LRSAM1: variants seen among roughly 807,000 people sequenced by gnomAD.
The protein encoded by LRSAM1 is leucine rich repeat and sterile alpha motif containing 1.
LRSAM1 carries 96 observed loss-of-function variants against 118.1 expected under a neutral mutation model. The ratio of observed to expected loss-of-function variants is 0.81; its 90% CI spans 0.69 to 0.96. The LOEUF is 0.96. Among genes scored for constraint, LRSAM1 ranks in the 40% least tolerant of loss-of-function variants. The pLI is 0.00. For missense variants in LRSAM1, 804 were observed against 915.5 expected, an observed-to-expected ratio of 0.88 and a Z score of 1.57; for synonymous variants, 322 against 364.2, an observed-to-expected ratio of 0.88 and a Z score of 1.32.
At chr9:127,467,593 A>G in intron 9 of LRSAM1, 147 bp from the exon 10 acceptor site, 1 of 786,206 alleles carries the variant, frequency 1.3e-6, no homozygotes, top group Non-Finnish European at 2.2e-6. Context: ...ACGCAGCTGT[A>G]AGTAACAAGA....
intron 25 of LRSAM1, 148 bp downstream of exon 25, chr9:127,501,291 C>A: frequency 9.2e-7 from 1 of 1,085,314 alleles, no homozygotes; most frequent in Non-Finnish European, 1.3e-6. Context: ...ATAAAGATGA[C>A]CCCTGGTCCC....
chr9:127,483,101 C>A, intron 16 of LRSAM1, 81 bp downstream of exon 16: 3 of 1,347,418 alleles, frequency 2.2e-6, no homozygotes, highest in Non-Finnish European at 3.2e-6. Context: ...CTCTGTTGGC[C>A]ATGCATGGAG....
At chr9:127,484,285 C>CTTTTTTTTTTTTTTTTTTT (rs1301004172) in intron 16 of LRSAM1, among the ~76,000 whole-genome samples, 1 of 141,878 alleles carries the variant, frequency 7.0e-6, no homozygotes. Flanking sequence ...TTTTTTCCTG[C>CTTTTTTTTTTTTTTTTTTT]TTCTTTATTT....
At position 127,473,900 on chromosome 9, in the gene LRSAM1, A is replaced by G. The variant is rs775659934; in HGVS notation, c.719A>G (p.Asp240Gly). Residue 240 changes from aspartate to glycine, a missense_variant, in exon 11 of 26, where the codon GAC (aspartate) becomes GGC (glycine). Physicochemically the swap from Asp to Gly is moderately conservative, Grantham distance 94. Coordinates refer to ENST00000300417, the MANE Select transcript of LRSAM1 (RefSeq NM_001005373.4). ...CGGGACAGCCCTGATGGGCCCACGG[A>G]CAGATTCTCAAGGGAGGAGTTAGAG... is the stretch of plus-strand genomic sequence containing the variant. ...NSRDSPDGPTDRFSREELEWQ... is the reference protein window; with the variant it reads ...NSRDSPDGPTGRFSREELEWQ... 1.2e-6 allele frequency: 2 copies of G among 1,614,218 alleles called. No individual in the cohort carries two copies. The highest frequency in any genetic ancestry group is 1.7e-6 in the Non-Finnish European group (2 of 1,180,040).
chr9:127,487,714 C>T lies in LRSAM1; in HGVS notation c.1298C>T (p.Ser433Leu), dbSNP rs1036275974. ...EMDERFQQILSWQQMDQNKAI... is the reference protein window; with the variant it reads ...EMDERFQQILLWQQMDQNKAI... ...GATGAACGATTCCAGCAGATTCTGTCGTGGCAGCAAATGGATCAGAACAAA... is the reference window on the plus strand; with the variant it reads ...GATGAACGATTCCAGCAGATTCTGTTGTGGCAGCAAATGGATCAGAACAAA... The change falls in exon 18 of 26, where the codon TCG (serine) becomes TTG (leucine). Residue 433 changes from serine (S) to leucine (L), a missense_variant. Coordinates refer to ENST00000300417, the MANE Select transcript of LRSAM1 (RefSeq NM_001005373.4). 41 of 1,613,630 alleles carry T rather than the reference C, an allele frequency of 2.5e-5. No individual in the cohort carries two copies. The highest frequency in any genetic ancestry group is 1.6e-4 in the Middle Eastern group (1 of 6,084).
At chr9:127,502,577 C>G (rs1039750080) in intron 25 of LRSAM1, among the ~76,000 whole-genome samples, 197 bp from the exon 26 acceptor site, 1 of 149,890 alleles carries the variant, frequency 6.7e-6, no homozygotes, top group Non-Finnish European at 1.5e-5. Flanking sequence ...GTCCCAGCTA[C>G]TTGGGAGGCT....
intron 23 of LRSAM1, among the ~76,000 whole-genome samples, chr9:127,496,605 G>A (rs541433042): frequency 9.8e-5 from 15 of 152,290 alleles, no homozygotes; most frequent in Non-Finnish European, 2.1e-4. Context: ...GAATTCTCCC[G>A]ACAGCCCAGC....
chr9:127,452,796 C>A (rs1009731320), intron 2 of LRSAM1, among the ~76,000 whole-genome samples: 1 of 152,236 alleles, frequency 6.6e-6, no homozygotes, highest in African/African-American at 2.4e-5. Context: ...ATCCCAAAGC[C>A]TGTGCTGCTC....
Position 127,457,288 on chromosome 9 carries a change from C to T in LRSAM1, c.175-28C>T, listed in dbSNP as rs551352437. 13 of 1,613,490 alleles carry T rather than the reference C, an allele frequency of 8.1e-6. No homozygotes were observed. In the South Asian group the frequency reaches 1.3e-4, roughly 16 times the overall value. On this transcript the variant is annotated intron_variant, in intron 5 of 25. Coordinates refer to ENST00000300417, the MANE Select transcript of LRSAM1 (RefSeq NM_001005373.4). ...CCCTGCCTGCTGCTCTTCCTCAGCC[C>T]AGCATGGCCGCACATCTCTCCACAC...
intron 6 of LRSAM1, among the ~76,000 whole-genome samples, 153 bp from the exon 7 acceptor site, chr9:127,458,850 C>T (rs1353509327): frequency 6.6e-6 from 1 of 152,084 alleles, no homozygotes; most frequent in South Asian, 2.1e-4. Flanking sequence ...GAAAATGAGG[C>T]GGGAATGATC....
chr9:127,479,105 G>A, intron 12 of LRSAM1, 142 bp downstream of exon 12: 1 of 961,552 alleles, frequency 1.0e-6, no homozygotes. Context: ...GCAGTCTGCT[G>A]CATCCTCACA....
At chr9:127,494,876 C>CA (rs1836064914) in intron 21 of LRSAM1, among the ~76,000 whole-genome samples, 1 of 152,306 alleles carries the variant, frequency 6.6e-6, no homozygotes, top group East Asian at 1.9e-4. Flanking sequence ...GAGTCCATCT[C>CA]AAAAATAAAA....
intron 19 of LRSAM1, 86 bp downstream of exon 19, chr9:127,489,604 G>C: frequency 7.0e-7 from 1 of 1,421,320 alleles, no homozygotes; most frequent in Non-Finnish European, 9.6e-7. Context: ...CAGCAGTTGA[G>C]GTTTGAACCC....
At chr9:127,469,011 C>T (rs540254230) in intron 10 of LRSAM1, among the ~76,000 whole-genome samples, 8 of 152,060 alleles carry the variant, frequency 5.3e-5, no homozygotes, top group African/African-American at 1.7e-4. Flanking sequence ...CAAAATGTCT[C>T]TTCCTCAAAA....
At chr9:127,501,755 T>G (rs1836403761) in intron 25 of LRSAM1, among the ~76,000 whole-genome samples, 1 of 152,174 alleles carries the variant, frequency 6.6e-6, no homozygotes, top group African/African-American at 2.4e-5. Flanking sequence ...AATCATCTTT[T>G]AAAAATTCAT....
chr9:127,473,336 A>G (rs1233733105), intron 10 of LRSAM1, among the ~76,000 whole-genome samples: 2 of 152,250 alleles, frequency 1.3e-5, no homozygotes, highest in Non-Finnish European at 2.9e-5. Context: ...TACAATATAT[A>G]AAGAGCACCT....
chr9:127,454,919 T>G, intron 3 of LRSAM1, 79 bp from the exon 4 acceptor site: 1 of 1,370,314 alleles, frequency 7.3e-7, no homozygotes, highest in Non-Finnish European at 1.0e-6. Context: ...GCTGCTTACA[T>G]TTATGTTCTT....
chr9:127,465,869 G>A lies in LRSAM1; in HGVS notation c.529-1871G>A, dbSNP rs1588104941. On this transcript the variant is annotated intron_variant, in intron 9 of 25. Coordinates refer to ENST00000300417, the MANE Select transcript of LRSAM1 (RefSeq NM_001005373.4). The surrounding 1 kb of genome is among the most constrained non-coding windows in gnomAD (Gnocchi z 4.1). ...CCAACACAACTCACACCGTGGATGG[G>A]GCAGTTCTGTGGCTGTGAGCTGAGG... Among the ~76,000 whole-genome samples, 1 of 152,298 alleles carries A rather than the reference G, an allele frequency of 6.6e-6. No individual in the cohort carries two copies. Among genetic ancestry groups the A allele is most frequent in the East Asian group, 1.9e-4 (1 of 5,186 alleles).
chr9:127,500,529 A>G (rs1486376474), intron 24 of LRSAM1, among the ~76,000 whole-genome samples: 1 of 152,028 alleles, frequency 6.6e-6, no homozygotes, highest in Non-Finnish European at 1.5e-5. Flanking sequence ...GGGTCACCTG[A>G]TGGGCAGCAG....
Sources: allele counts gnomAD v4.1 joint callset (sites outside exome capture counted in the v4.1 genomes callset), GRCh38; gene constraint gnomAD v4.1.1; non-coding constraint Gnocchi (gnomAD v3.1); transcripts MANE v1.5; gene names NCBI Gene and HGNC (gene_info 2026-07-23, HGNC 2026-07-21).